The following CDK5RAP2 variants were observed in gnomAD, a reference collection of about 807,000 sequenced individuals.
The protein encoded by CDK5RAP2 is CDK5 regulatory subunit-associated protein 2.
A neutral mutation model predicts 232.9 loss-of-function variants in CDK5RAP2; 147 were observed. That is an observed-to-expected ratio of 0.63 (90% CI 0.55 to 0.72). The LOEUF (loss-of-function observed/expected upper bound fraction) is 0.72. CDK5RAP2 is among the 30% of genes least tolerant of loss of function. The probability of loss-of-function intolerance (pLI) is 0.00; values close to 1 mark genes in which losing one functional copy is unlikely to be tolerated. For synonymous variants in CDK5RAP2, 833 were observed against 833.7 expected (o/e 1.00, Z 0.01); for missense variants, 2,195 against 2,231.5 (o/e 0.98, Z 0.33).
intron 12 of CDK5RAP2, among the ~76,000 whole-genome samples, chr9:120,515,869 A>G (rs1024672951): frequency 6.6e-6 from 1 of 152,242 alleles, no homozygotes; most frequent in Non-Finnish European, 1.5e-5. Flanking sequence ...TCAGGAAACA[A>G]CAGGTGCTGG....
intron 7 of CDK5RAP2, among the ~76,000 whole-genome samples, chr9:120,533,062 A>C (rs2041225470): frequency 6.6e-6 from 1 of 151,742 alleles, no homozygotes; most frequent in African/African-American, 2.4e-5. Flanking sequence ...AACTCGCAGG[A>C]CTCCTTGTCT....
intron 18 of CDK5RAP2, 114 bp downstream of exon 18, chr9:120,467,746 A>G: frequency 8.9e-7 from 1 of 1,124,148 alleles, no homozygotes; most frequent in Non-Finnish European, 1.3e-6. Context: ...CCTGGGCCCA[A>G]GTGATCCTCC....
intron 20 of CDK5RAP2, among the ~76,000 whole-genome samples, chr9:120,455,028 G>C (rs1341298538): frequency 1.3e-5 from 2 of 152,194 alleles, no homozygotes; most frequent in African/African-American, 2.4e-5. Context: ...ATGGTGCTCG[G>C]GTGGAGTAAC....
At chr9:120,540,365 T>C (rs775027382) in intron 5 of CDK5RAP2, among the ~76,000 whole-genome samples, 13 of 152,198 alleles carry the variant, frequency 8.5e-5, no homozygotes, top group Non-Finnish European at 1.9e-4. Flanking sequence ...TCCCATGCCC[T>C]ACTTTAAAGA....
chr9:120,508,034 C>A lies in CDK5RAP2; in HGVS notation c.1311+10393G>T, dbSNP rs2039915508. On this transcript the variant is annotated intron_variant, in intron 12 of 37. Coordinates refer to ENST00000349780, the MANE Select transcript of CDK5RAP2 (RefSeq NM_018249.6). ...ATCACATTAGAAATGAAAAGCCAAGCCCTCACACTTCCTCCTCCAGCCAGC... is the reference window on the plus strand; with the variant it reads ...ATCACATTAGAAATGAAAAGCCAAGACCTCACACTTCCTCCTCCAGCCAGC... 2.7e-5 allele frequency among the ~76,000 whole-genome samples: 4 copies of A among 148,408 alleles called. No homozygotes were observed. The South Asian group carries it at 8.5e-4, about 31-fold the overall frequency.
chr9:120,512,227 T>C (rs2040127877), intron 12 of CDK5RAP2, among the ~76,000 whole-genome samples: 1 of 152,186 alleles, frequency 6.6e-6, no homozygotes, highest in Non-Finnish European at 1.5e-5. Flanking sequence ...TGCATGTCTA[T>C]AGTCCCAGCT....
chr9:120,481,669 C>A (rs1289523048), intron 14 of CDK5RAP2, among the ~76,000 whole-genome samples: 1 of 152,046 alleles, frequency 6.6e-6, no homozygotes, highest in Non-Finnish European at 1.5e-5. Context: ...CACACCGCCA[C>A]ACTCGGCTAA....
chr9:120,416,485 G>A (rs1179208792), intron 27 of CDK5RAP2, among the ~76,000 whole-genome samples: 1 of 152,222 alleles, frequency 6.6e-6, no homozygotes, highest in Non-Finnish European at 1.5e-5. Context: ...ACACAAATAT[G>A]TGAAAGAAGG....
chr9:120,399,753 C>G (rs544952167), intron 35 of CDK5RAP2, among the ~76,000 whole-genome samples: 2 of 152,172 alleles, frequency 1.3e-5, no homozygotes, highest in Non-Finnish European at 2.9e-5. Context: ...GATACTGCCA[C>G]CAGCTAAACG....
chr9:120,504,738 C>G (rs1231765466), intron 12 of CDK5RAP2, among the ~76,000 whole-genome samples: 2 of 152,206 alleles, frequency 1.3e-5, no homozygotes, highest in Non-Finnish European at 1.5e-5. Flanking sequence ...TACGTTTCAG[C>G]TTTATCTGCA....
chr9:120,536,605 T>C (rs777483217), intron 6 of CDK5RAP2, 79 bp from the exon 7 acceptor site: 4 of 1,323,478 alleles, frequency 3.0e-6, no homozygotes, highest in Non-Finnish European at 3.2e-6. Context: ...GATTAAAATA[T>C]AAATATTTAT....
At chr9:120,412,426 G>C (rs1357586122) in intron 28 of CDK5RAP2, among the ~76,000 whole-genome samples, 1 of 152,184 alleles carries the variant, frequency 6.6e-6, no homozygotes, top group African/African-American at 2.4e-5. Flanking sequence ...GCCACCTCTG[G>C]CCAATTGGGC....
At position 120,408,576 on chromosome 9, in the gene CDK5RAP2, A is replaced by C. The variant is rs1024064413; in HGVS notation, c.4605-108T>G. On this transcript the variant is annotated intron_variant, in intron 30 of 37. Transcript: ENST00000349780. The stretch of plus-strand genomic sequence containing the variant: ...TCCACCCTCAGTCACAAGAGTGTGG[A>C]CCAAGAAGTGACAAGCATGGTTAAG... 130 of 1,212,358 alleles carry C rather than the reference A, an allele frequency of 1.1e-4. 1 individual carries two copies. Among genetic ancestry groups the C allele is most frequent in the Non-Finnish European group, 1.5e-4 (128 of 832,964 alleles). 75.1% of individuals were successfully genotyped at this position (1,212,358 alleles called of 1,614,324 possible).
intron 36 of CDK5RAP2, among the ~76,000 whole-genome samples, chr9:120,392,376 T>C (rs977000018): frequency 6.6e-6 from 1 of 152,204 alleles, no homozygotes; most frequent in African/African-American, 2.4e-5. Context: ...ATCTGAACTG[T>C]GCTCAATCAA....
chr9:120,496,398 C>T (rs1166207541), intron 12 of CDK5RAP2, among the ~76,000 whole-genome samples: 2 of 146,502 alleles, frequency 1.4e-5, no homozygotes, highest in African/African-American at 5.1e-5. Flanking sequence ...GGTCAGCCCC[C>T]CCGCCCAGCC....
intron 25 of CDK5RAP2, among the ~76,000 whole-genome samples, chr9:120,423,505 A>G (rs959232401): frequency 6.6e-6 from 1 of 152,224 alleles, no homozygotes; most frequent in African/African-American, 2.4e-5. Context: ...TGACAAAAGA[A>G]AACAAAATAA....
intron 13 of CDK5RAP2, among the ~76,000 whole-genome samples, chr9:120,490,610 A>C (rs2038852627): frequency 6.6e-6 from 1 of 152,200 alleles, no homozygotes; most frequent in African/African-American, 2.4e-5. Flanking sequence ...CTGTGTGGAG[A>C]AAGCTGAATC....
chr9:120,426,887 T>G (rs1481174686), intron 25 of CDK5RAP2, among the ~76,000 whole-genome samples: 1 of 152,188 alleles, frequency 6.6e-6, no homozygotes, highest in African/African-American at 2.4e-5. Flanking sequence ...GGATCTCTAT[T>G]TTAGTGTTAA....
intron 12 of CDK5RAP2, among the ~76,000 whole-genome samples, chr9:120,517,352 A>G (rs977170419): frequency 2.0e-5 from 3 of 152,128 alleles, no homozygotes; most frequent in African/African-American, 4.8e-5. Flanking sequence ...TGGTGTCCCT[A>G]TCAGCAGCAG....
Sources: gnomAD v4.1 joint callset for allele counts (sites outside exome capture counted in the v4.1 genomes callset) on GRCh38, gnomAD v4.1.1 for gene constraint, MANE v1.5 for transcripts, NCBI Gene and HGNC (gene_info 2026-07-23, HGNC 2026-07-21) for gene names.